Variants in NAAA observed in about 807,000 individuals in gnomAD.
NAAA encodes N-acylethanolamine-hydrolyzing acid amidase.
NAAA carries 39 observed loss-of-function variants against 44.8 expected under a neutral mutation model. The ratio of observed to expected loss-of-function variants is 0.87; its 90% confidence interval spans 0.67 to 1.14. The LOEUF (loss-of-function observed/expected upper bound fraction) is 1.14. NAAA is among the 50% of genes most tolerant of loss of function. NAAA has a pLI of 0.00. For missense variants in NAAA, 460 were observed against 467.8 expected, an observed-to-expected ratio of 0.98 and a Z score of 0.15; for synonymous variants, 178 against 191.3, an observed-to-expected ratio of 0.93 and a Z score of 0.58.
intron 5 of NAAA, among the ~76,000 whole-genome samples, chr4:75,922,226 T>C (rs1726236288): frequency 6.6e-6 from 1 of 151,858 alleles, no homozygotes. Flanking sequence ...ACAAAACCCA[T>C]GGCAGGGCTT....
chr4:75,911,043 C>A (rs764182254), downstream of NAAA, among the ~76,000 whole-genome samples: 2 of 152,012 alleles, frequency 1.3e-5, no homozygotes, highest in Non-Finnish European at 2.9e-5. Context: ...TTACAAAGTA[C>A]CTTCTCAAGG....
chr4:75,939,805 G>T, intron 2 of NAAA, 196 bp downstream of exon 2: 1 of 603,560 alleles, frequency 1.7e-6, no homozygotes, highest in Non-Finnish European at 2.9e-6. Context: ...TTGAATCGGA[G>T]AATCTGCTTT....
At chr4:75,913,479 C>A (rs748500099), downstream of NAAA, among the ~76,000 whole-genome samples, 2 of 151,994 alleles carry the variant, frequency 1.3e-5, no homozygotes, top group African/African-American at 2.4e-5. Flanking sequence ...TTTCTGACTT[C>A]ATCCTCAAGG....
intron 10 of NAAA, among the ~76,000 whole-genome samples, chr4:75,914,644 G>A (rs1578029353): frequency 6.6e-6 from 1 of 152,050 alleles, no homozygotes; most frequent in Non-Finnish European, 1.5e-5. Context: ...CTCTCAAAGT[G>A]CTGAAATTAC....
Position 75,920,775 on chromosome 4 carries a change from C to A in NAAA, c.865G>T (p.Asp289Tyr). The A allele has an allele frequency of 1.9e-6, 3 of 1,614,114 alleles. No individual in the cohort carries two copies. In the South Asian group the frequency reaches 3.3e-5, roughly 18 times the overall value. ...GAWFRVETNY[D>Y]HWKPAPKEDD... The stretch of plus-strand genomic sequence containing the variant: ...TCCTTGGGTGCTGGCTTCCAGTGGT[C>A]GTAATTTGTCTCAACTCGGAACCAC... Residue 289 changes from aspartate (D) to tyrosine (Y), a missense_variant, in exon 7 of 11, where the codon GAC (aspartate) becomes TAC (tyrosine). Coordinates refer to ENST00000286733, the MANE Select transcript of NAAA (RefSeq NM_014435.4).
intron 10 of NAAA, 60 bp from the exon 11 acceptor site, chr4:75,914,398 G>A (rs1046992828): frequency 4.5e-5 from 30 of 670,310 alleles, no homozygotes; most frequent in Non-Finnish European, 5.1e-5. Context: ...TTTTTTTAAT[G>A]GAGTCTCACT....
downstream of NAAA, chr4:75,911,321 C>T (rs146381461): frequency 1.1e-3 from 575 of 516,416 alleles, 2 homozygotes; most frequent in African/African-American, 9.7e-3. Flanking sequence ...GGCTCAGAGG[C>T]CTGACAATCA....
rs200023694 is a variant in NAAA at position 75,940,151 on chromosome 4, T to G, written c.221A>C (p.Lys74Thr). The change falls in exon 2 of 11, where the codon AAG (lysine) becomes ACG (threonine). Residue 74 changes from lysine to threonine, a missense_variant. Transcript: ENST00000286733. ...MAQVIGDRVP[K>T]WVHVLIGKVV... The stretch of plus-strand genomic sequence containing the variant: ...TTTTCCGATTAACACGTGCACCCAC[T>G]TGGGGACTCTGTCCCTAGAAACAAA... 1 of 1,613,746 alleles carries G rather than the reference T, an allele frequency of 6.2e-7. No homozygotes were observed.
At chr4:75,926,325 C>T (rs1316452112) in intron 4 of NAAA, among the ~76,000 whole-genome samples, 1 of 152,028 alleles carries the variant, frequency 6.6e-6, no homozygotes, top group Non-Finnish European at 1.5e-5. Context: ...CTTTGGGAGG[C>T]CGAGGTGGGC....
At chr4:75,940,316 C>T (rs1045072387) in intron 1 of NAAA, 151 bp from the exon 2 acceptor site, 23 of 623,200 alleles carry the variant, frequency 3.7e-5, no homozygotes, top group African/African-American at 5.6e-5. Flanking sequence ...CGGCGTCACT[C>T]AATCTGCAGC....
At chr4:75,932,708 G>A (rs1202111359) in intron 3 of NAAA, among the ~76,000 whole-genome samples, 2 of 151,964 alleles carry the variant, frequency 1.3e-5, no homozygotes, top group African/African-American at 2.4e-5. Flanking sequence ...CTCCCTATGT[G>A]GCCCAGGCTC....
intron 3 of NAAA, among the ~76,000 whole-genome samples, chr4:75,933,149 A>AAG (rs1727393204): frequency 6.6e-6 from 1 of 151,560 alleles, no homozygotes; most frequent in Non-Finnish European, 1.5e-5. Context: ...AAAAAAAAAA[A>AAG]GTACTTAAAA....
intron 2 of NAAA, among the ~76,000 whole-genome samples, chr4:75,939,054 T>G (rs971873845): frequency 2.6e-5 from 4 of 152,184 alleles, no homozygotes; most frequent in African/African-American, 9.6e-5. Context: ...GGTTTCACCA[T>G]GTTGGCCAGG....
chr4:75,940,164 C>T lies in NAAA; in HGVS notation c.208G>A (p.Asp70Asn), dbSNP rs762443154. Reference protein sequence around the residue: ...VRAAMAQVIGDRVPKWVHVLI... With the variant: ...VRAAMAQVIGNRVPKWVHVLI... ...ACGTGCACCCACTTGGGGACTCTGTCCCTAGAAACAAAAAGCACAAGGGCG... is the reference window on the plus strand; with the variant it reads ...ACGTGCACCCACTTGGGGACTCTGTTCCTAGAAACAAAAAGCACAAGGGCG... Residue 70 changes from aspartate (D) to asparagine (N), a missense_variant and splice_region_variant, in exon 2 of 11, where the codon GAC (aspartate) becomes AAC (asparagine). Coordinates refer to ENST00000286733, the MANE Select transcript of NAAA (RefSeq NM_014435.4). 1 of 1,612,400 alleles carries T rather than the reference C, an allele frequency of 6.2e-7. No individual in the cohort carries two copies. Among genetic ancestry groups the T allele is most frequent in the Admixed American group, 1.7e-5 (1 of 59,940 alleles).
At chr4:75,933,132 C>CAAAA (rs59490735) in intron 3 of NAAA, among the ~76,000 whole-genome samples, 3 of 123,018 alleles carry the variant, frequency 2.4e-5, no homozygotes, top group South Asian at 5.6e-4. Context: ...GACTCTGTCT[C>CAAAA]AAAAAAAAAA....
chr4:75,936,150 G>GT lies in NAAA; in HGVS notation c.456dup (p.Arg153ThrfsTer42), dbSNP rs1560518971. The GT allele has an allele frequency of 1.9e-6, 3 of 1,613,970 alleles. No individual in the cohort carries two copies. ...AATTGCACATCCACTGTCAGCTTGCGTAAGACATTCCCAAAAGGATAATCC... is the reference window on the plus strand; with the variant it reads ...AATTGCACATCCACTGTCAGCTTGCGTTAAGACATTCCCAAAAGGATAATCC... On this transcript the variant is annotated frameshift_variant, in exon 3 of 11. Transcript: ENST00000286733. LOFTEE classifies it high-confidence loss of function.
intron 7 of NAAA, among the ~76,000 whole-genome samples, chr4:75,920,286 G>C (rs1726027597): frequency 6.6e-6 from 1 of 152,204 alleles, no homozygotes; most frequent in Non-Finnish European, 1.5e-5. Flanking sequence ...CTGCACTTTG[G>C]AACTGTGCTG....
chr4:75,911,816 G>A (rs1246210904), downstream of NAAA, among the ~76,000 whole-genome samples: 2 of 152,148 alleles, frequency 1.3e-5, no homozygotes, highest in African/African-American at 2.4e-5. Context: ...AGCAGAATTC[G>A]GGTTCTTCCC....
chr4:75,937,472 C>T (rs1351199005), intron 2 of NAAA, among the ~76,000 whole-genome samples: 1 of 144,096 alleles, frequency 6.9e-6, no homozygotes, highest in African/African-American at 2.6e-5. Context: ...GTTTTAATTC[C>T]CTCCAAGGTT....
Sources: gnomAD v4.1 joint callset for allele counts (sites outside exome capture counted in the v4.1 genomes callset) on GRCh38, gnomAD v4.1.1 for gene constraint, MANE v1.5 for transcripts, NCBI Gene and HGNC (gene_info 2026-07-23, HGNC 2026-07-21) for gene names.